Variants in UBR1 observed in about 807,000 individuals in gnomAD.
UBR1 encodes E3 ubiquitin-protein ligase UBR1.
Under a neutral mutation model 242.1 loss-of-function variants are expected in UBR1, and 102 were observed. The observed-to-expected ratio is 0.42, with a 90% CI of 0.36 to 0.50. The LOEUF (loss-of-function observed/expected upper bound fraction) is 0.50. Ranked by LOEUF, UBR1 falls within the 20% of genes least tolerant of loss-of-function variation. The probability of loss-of-function intolerance (pLI) is 0.01; values close to 1 mark genes in which losing one functional copy is unlikely to be tolerated. For missense variants in UBR1, 1,772 were observed against 2,101.8 expected (o/e 0.84, Z 3.07); for synonymous variants, 675 against 684.8 (o/e 0.99, Z 0.22).
chr15:43,067,264 G>A (rs1195210545), intron 6 of UBR1, among the ~76,000 whole-genome samples: 1 of 150,920 alleles, frequency 6.6e-6, no homozygotes, highest in Non-Finnish European at 1.5e-5. Context: ...TTAATAATTT[G>A]CGATCACATA....
At chr15:43,105,667 G>A (rs2034287407) in intron 1 of UBR1, among the ~76,000 whole-genome samples, 1 of 152,080 alleles carries the variant, frequency 6.6e-6, no homozygotes, top group Admixed American at 6.6e-5. Flanking sequence ...ACATCAAACC[G>A]TCTAATAACA....
chr15:43,081,962 G>A (rs1460531161), intron 3 of UBR1, among the ~76,000 whole-genome samples: 2 of 151,280 alleles, frequency 1.3e-5, no homozygotes, highest in Non-Finnish European at 2.9e-5. Flanking sequence ...AATAAAATAT[G>A]GTTAAATATT....
intron 8 of UBR1, 81 bp downstream of exon 8, chr15:43,059,621 T>A: frequency 1.1e-5 from 15 of 1,403,472 alleles, no homozygotes; most frequent in Non-Finnish European, 1.5e-5. Context: ...CTTTATTTCA[T>A]ACTCAATGAC....
In UBR1 at chr15:43,036,340, T is replaced by C. The variant is rs992650666; in HGVS notation, c.2089-61A>G. ...TTATATGGAGAAACATTTTGTCTCATGTAGGACTGTCAAAAATTAAAAAGT... is the reference window on the plus strand; with the variant it reads ...TTATATGGAGAAACATTTTGTCTCACGTAGGACTGTCAAAAATTAAAAAGT... On this transcript the variant is annotated intron_variant, in intron 18 of 46. Coordinates refer to ENST00000290650, the MANE Select transcript of UBR1 (RefSeq NM_174916.3). 7 of 1,479,580 alleles carry C rather than the reference T, an allele frequency of 4.7e-6. No homozygotes were observed. In the African/African-American group the frequency reaches 6.9e-5, roughly 15 times the overall value. The allele number at this position is 1,479,580 out of a possible 1,614,324, so 91.7% of individuals were successfully genotyped here.
At chr15:43,085,506 A>G (rs921286034) in intron 2 of UBR1, among the ~76,000 whole-genome samples, 1 of 151,786 alleles carries the variant, frequency 6.6e-6, no homozygotes, top group African/African-American at 2.4e-5. Flanking sequence ...CGGTATAATA[A>G]AAGAAAATTA....
intron 6 of UBR1, among the ~76,000 whole-genome samples, chr15:43,063,595 G>C (rs967251627): frequency 6.6e-6 from 1 of 152,086 alleles, no homozygotes; most frequent in African/African-American, 2.4e-5. Context: ...CCTGAGCCCA[G>C]GAGTTGAAGA....
chr15:43,003,533 G>C (rs1156683437), intron 31 of UBR1: 1 of 378,892 alleles, frequency 2.6e-6, no homozygotes, highest in Non-Finnish European at 5.0e-6. Context: ...TGAGATTACA[G>C]GTGTGAGCCA....
intron 24 of UBR1, 109 bp from the exon 25 acceptor site, chr15:43,025,092 A>C: frequency 7.3e-7 from 1 of 1,375,140 alleles, no homozygotes; most frequent in Non-Finnish European, 1.0e-6. Flanking sequence ...TTACATGCAA[A>C]ACAACACATG....
chr15:43,051,605 T>C (rs1435625362), intron 12 of UBR1, among the ~76,000 whole-genome samples: 1 of 151,950 alleles, frequency 6.6e-6, no homozygotes, highest in Admixed American at 6.6e-5. Flanking sequence ...AAAAAGCAGC[T>C]CCCCAGATGA....
At chr15:43,105,910 AGGAC>A (rs767750246) in intron 1 of UBR1, 28 bp downstream of exon 1, 1 of 1,521,382 alleles carries the variant, frequency 6.6e-7, no homozygotes, top group South Asian at 1.1e-5. Flanking sequence ...GACCGGGGGG[AGGAC>A]AAAAGAGACT....
At chr15:43,008,256 C>T (rs1362050842) in intron 29 of UBR1, among the ~76,000 whole-genome samples, 1 of 152,258 alleles carries the variant, frequency 6.6e-6, no homozygotes, top group African/African-American at 2.4e-5. Flanking sequence ...GCAGAAGCCC[C>T]GTGCTCCCGG....
chr15:42,997,217 C>T (rs754490558), intron 33 of UBR1, among the ~76,000 whole-genome samples: 16 of 152,216 alleles, frequency 1.1e-4, no homozygotes, highest in Non-Finnish European at 1.8e-4. Flanking sequence ...AGGTTGCCCA[C>T]TCCTTATGAA....
Position 43,007,327 on chromosome 15 carries a change from C to A in UBR1, c.3210-43G>T. On this transcript the variant is annotated intron_variant, in intron 29 of 46. Transcript: ENST00000290650. ...CAGAAATGAGGACACATGTTTTGGT[C>A]ACTTGTCTTCATATTTTGGTAGATT... 2.5e-6 allele frequency: 4 copies of A among 1,577,674 alleles called. No homozygotes were observed. The South Asian group carries it at 4.5e-5, about 18-fold the overall frequency.
At position 42,959,233 on chromosome 15, in the gene UBR1, G is replaced by GT. The variant is rs566812548; in HGVS notation, c.4758-1144dup. 4.6e-5 allele frequency among the ~76,000 whole-genome samples: 7 copies of GT among 151,870 alleles called. No individual in the cohort carries two copies. The South Asian group carries it at 1.5e-3, about 32-fold the overall frequency. Reference sequence around the variant, plus strand: ...GGCAAACCTAGACACTTTTTGGTTTGTTTTTTTAGAGACAGTATTCACTCT... The same window carrying GT: ...GGCAAACCTAGACACTTTTTGGTTTGTTTTTTTTAGAGACAGTATTCACTCT... On this transcript the variant is annotated intron_variant, in intron 43 of 46. Transcript: ENST00000290650.
At position 43,024,825 on chromosome 15, in the gene UBR1, A is replaced by C; in HGVS notation, c.2739+4T>G. 1 of 1,614,208 alleles carries C rather than the reference A, an allele frequency of 6.2e-7. No individual in the cohort carries two copies. The highest frequency in any genetic ancestry group is 1.1e-5 in the South Asian group (1 of 91,086). On this transcript the variant is annotated splice_donor_region_variant and intron_variant, in intron 25 of 46. Transcript: ENST00000290650. ...TGTAGAGAAAATATTTCAGGTAAAC[A>C]AACCATTTGGAGCATCCCTTCGGTC... is the stretch of plus-strand genomic sequence containing the variant.
chr15:42,946,468 C>T (rs2031736426), intron 46 of UBR1, among the ~76,000 whole-genome samples: 1 of 152,136 alleles, frequency 6.6e-6, no homozygotes, highest in Admixed American at 6.6e-5. Context: ...TAAAACTCTG[C>T]TTTGTACCCT....
At chr15:43,019,274 AG>A (rs2033072325) in intron 27 of UBR1, among the ~76,000 whole-genome samples, 1 of 152,128 alleles carries the variant, frequency 6.6e-6, no homozygotes, top group Non-Finnish European at 1.5e-5. Context: ...CATGTTAGCC[AG>A]GATGGTCTCG....
At chr15:43,015,592 T>C (rs1454299590) in intron 29 of UBR1, 96 bp downstream of exon 29, 1 of 1,359,982 alleles carries the variant, frequency 7.4e-7, no homozygotes, top group Non-Finnish European at 1.0e-6. Context: ...TATTGTCCTA[T>C]GACCCTGCCA....
At chr15:42,990,606 A>G (rs1440731810) in intron 33 of UBR1, among the ~76,000 whole-genome samples, 3 of 152,260 alleles carry the variant, frequency 2.0e-5, no homozygotes, top group Non-Finnish European at 4.4e-5. Context: ...TCTGTTCCCC[A>G]TATAAATATT....
Sources: gnomAD v4.1 joint callset for allele counts (sites outside exome capture counted in the v4.1 genomes callset) on GRCh38, gnomAD v4.1.1 for gene constraint, MANE v1.5 for transcripts, NCBI Gene and HGNC (gene_info 2026-07-23, HGNC 2026-07-21) for gene names.